ADAMTSL1: variants seen among roughly 807,000 people sequenced by gnomAD.
The protein encoded by ADAMTSL1 is ADAMTS like 1.
A neutral mutation model predicts 201.8 loss-of-function variants in ADAMTSL1; 126 were observed. The ratio of observed to expected loss-of-function variants is 0.62; its 90% CI spans 0.54 to 0.72. ADAMTSL1 has a LOEUF of 0.72. Among genes scored for constraint, ADAMTSL1 ranks in the 30% least tolerant of loss-of-function variants. The probability of loss-of-function intolerance (pLI) is 0.00; values close to 1 mark genes in which losing one functional copy is unlikely to be tolerated. For missense variants in ADAMTSL1, 2,679 were observed against 2,277.8 expected (o/e 1.18, Z -3.59); for synonymous variants, 1,121 against 903.4 (o/e 1.24, Z -4.32).
At position 18,453,666 on chromosome 9, in the gene ADAMTSL1, C is replaced by T. The variant is rs575126678; in HGVS notation, c.208-51163C>T. 2.3e-4 allele frequency among the ~76,000 whole-genome samples: 35 copies of T among 152,258 alleles called. No individual in the cohort carries two copies. In the South Asian group the frequency reaches 7.3e-3, roughly 32 times the overall value. On this transcript the variant is annotated intron_variant, in intron 2 of 29. Transcript: ENST00000680146. ...TTGGAAATCTCTCCTGCCAGATACCCTAGTTTATCACTCTTAAATTCCACC... is the reference window on the plus strand; with the variant it reads ...TTGGAAATCTCTCCTGCCAGATACCTTAGTTTATCACTCTTAAATTCCACC...
At chr9:18,589,030 C>A (rs1587652228) in intron 4 of ADAMTSL1, among the ~76,000 whole-genome samples, 1 of 151,464 alleles carries the variant, frequency 6.6e-6, no homozygotes. Context: ...GTGTCCACTA[C>A]CATGACTGGC....
At chr9:18,611,498 C>G (rs1283335454) in intron 4 of ADAMTSL1, among the ~76,000 whole-genome samples, 1 of 151,990 alleles carries the variant, frequency 6.6e-6, no homozygotes, top group Non-Finnish European at 1.5e-5. Context: ...AAACAATACA[C>G]AAAAAAATCC....
chr9:18,440,949 G>C (rs181716873), intron 2 of ADAMTSL1, among the ~76,000 whole-genome samples: 46 of 152,024 alleles, frequency 3.0e-4, no homozygotes, highest in African/African-American at 1.1e-3. Context: ...TTTATGACAG[G>C]CAAAAGAGAA....
intron 2 of ADAMTSL1, among the ~76,000 whole-genome samples, chr9:18,227,472 C>T (rs541849501): frequency 1.3e-5 from 2 of 152,286 alleles, no homozygotes; most frequent in East Asian, 3.9e-4. Context: ...CAAGGTAGTA[C>T]ATTTTATTCA....
intron 1 of ADAMTSL1, among the ~76,000 whole-genome samples, chr9:18,151,237 A>G (rs1030308119): frequency 6.6e-6 from 1 of 152,122 alleles, no homozygotes; most frequent in African/African-American, 2.4e-5. Flanking sequence ...AACAGCAAAC[A>G]AAAAACCTTT....
chr9:18,069,408 C>T lies in ADAMTSL1; in HGVS notation c.88-94454C>T, dbSNP rs960398320. ...ATATTACACTGCAACGTATTATATACATACATACATACATACACATATATG... is the reference window on the plus strand; with the variant it reads ...ATATTACACTGCAACGTATTATATATATACATACATACATACACATATATG... On this transcript the variant is annotated intron_variant, in intron 1 of 29. Coordinates refer to the ADAMTSL1 transcript ENST00000680146. Among the ~76,000 whole-genome samples, 7 of 152,088 alleles carry T rather than the reference C, an allele frequency of 4.6e-5. No homozygotes were observed. In the East Asian group the frequency reaches 7.7e-4, roughly 17 times the overall value.
intron 1 of ADAMTSL1, among the ~76,000 whole-genome samples, chr9:18,120,142 A>G (rs1023250262): frequency 6.6e-6 from 1 of 152,196 alleles, no homozygotes; most frequent in East Asian, 1.9e-4. Context: ...GGCTGCAGCC[A>G]TCTGAAAACT....
At position 18,320,002 on chromosome 9, in the gene ADAMTSL1, G is replaced by C. The variant is rs548946735; in HGVS notation, c.207+156021G>C. Among the ~76,000 whole-genome samples the C allele has an allele frequency of 4.6e-5, 7 of 152,238 alleles. 1 individual carries two copies. In the East Asian group the frequency reaches 9.7e-4, roughly 21 times the overall value. On this transcript the variant is annotated intron_variant, in intron 2 of 29. Coordinates refer to the ADAMTSL1 transcript ENST00000680146. ...TTTCTAGCTTTGAAGGTAGAGGATG[G>C]GGGAGTTGCAAACCAAGAAATGAAG...
intron 20 of ADAMTSL1, among the ~76,000 whole-genome samples, chr9:18,798,753 G>A (rs760368573): frequency 6.6e-6 from 1 of 152,186 alleles, no homozygotes; most frequent in Non-Finnish European, 1.5e-5. Flanking sequence ...CAAGATGCCT[G>A]CCATTGAGTT....
chr9:18,872,218 G>T (rs1437446037), intron 23 of ADAMTSL1, among the ~76,000 whole-genome samples: 1 of 152,216 alleles, frequency 6.6e-6, no homozygotes, highest in East Asian at 1.9e-4. Flanking sequence ...TTGGAGAACT[G>T]CAAAAGTTCT....
At chr9:18,647,733 T>C (rs1321693949) in intron 7 of ADAMTSL1, among the ~76,000 whole-genome samples, 2 of 151,808 alleles carry the variant, frequency 1.3e-5, no homozygotes, top group Non-Finnish European at 2.9e-5. Context: ...CTAGTTTGAT[T>C]GCACTGTGGT....
At chr9:18,891,074 G>C (rs1829235060) in intron 25 of ADAMTSL1, among the ~76,000 whole-genome samples, 1 of 152,208 alleles carries the variant, frequency 6.6e-6, no homozygotes, top group South Asian at 2.1e-4. Context: ...CAAAAGAGCA[G>C]GGAAGTGGCC....
At chr9:18,512,179 G>A (rs1309985945) in intron 2 of ADAMTSL1, among the ~76,000 whole-genome samples, 1 of 152,132 alleles carries the variant, frequency 6.6e-6, no homozygotes, top group Non-Finnish European at 1.5e-5. Flanking sequence ...TTGGGTTAAA[G>A]CCTAGTCTAA....
rs57642851 is a variant in ADAMTSL1 at position 18,317,393 on chromosome 9, AACAC to A, written c.207+153439_207+153442del. ...AAGAAAGTGTATCTTAAGTGTCCTCAACACACACACACACACACACACACACACA... is the reference window on the plus strand; with the variant it reads ...AAGAAAGTGTATCTTAAGTGTCCTCAACACACACACACACACACACACACA... On this transcript the variant is annotated intron_variant, in intron 2 of 29. Transcript: ENST00000680146. 3.4e-3 allele frequency among the ~76,000 whole-genome samples: 511 copies of A among 148,978 alleles called. 2 individuals are homozygous for A. The highest frequency in any genetic ancestry group is 0.02 in the South Asian group (94 of 4,642).
intron 1 of ADAMTSL1, among the ~76,000 whole-genome samples, chr9:18,049,444 C>G (rs1167315167): frequency 2.6e-5 from 4 of 152,058 alleles, no homozygotes; most frequent in Admixed American, 2.0e-4. Flanking sequence ...TAAAGAGCCT[C>G]TCTTCTTTCT....
At chr9:17,949,239 C>T (rs1419994043) in intron 1 of ADAMTSL1, among the ~76,000 whole-genome samples, 1 of 152,020 alleles carries the variant, frequency 6.6e-6, no homozygotes, top group Non-Finnish European at 1.5e-5. Flanking sequence ...ATCATGGAGC[C>T]CAGAGGCTCA....
intron 2 of ADAMTSL1, among the ~76,000 whole-genome samples, chr9:18,225,217 T>G (rs1220655638): frequency 6.6e-6 from 1 of 152,184 alleles, no homozygotes; most frequent in Non-Finnish European, 1.5e-5. Context: ...ACATGGTGAA[T>G]GTGGCCTGAA....
In ADAMTSL1 at chr9:18,575,920, C is replaced by T. The variant is rs555685424; in HGVS notation, c.474+1654C>T. On this transcript the variant is annotated intron_variant, in intron 4 of 28. Coordinates refer to ENST00000380548, the MANE Select transcript of ADAMTSL1 (RefSeq NM_001040272.6). Reference sequence around the variant, plus strand: ...CATTTATTTCTTTTGCATGGGAGTTCAACGTGGCATATTTTTTCCTAAACT... The same window carrying T: ...CATTTATTTCTTTTGCATGGGAGTTTAACGTGGCATATTTTTTCCTAAACT... Among the ~76,000 whole-genome samples the T allele has an allele frequency of 7.9e-5, 12 of 152,268 alleles. No homozygotes were observed. In the South Asian group the frequency reaches 2.5e-3, roughly 32 times the overall value.
At chr9:18,661,266 T>C (rs1313214307) in intron 8 of ADAMTSL1, among the ~76,000 whole-genome samples, 1 of 152,176 alleles carries the variant, frequency 6.6e-6, no homozygotes, top group East Asian at 1.9e-4. Flanking sequence ...TAGAGACTTT[T>C]TAAAGAGAAT....
Sources: gnomAD v4.1 joint callset for allele counts (sites outside exome capture counted in the v4.1 genomes callset) on GRCh38, gnomAD v4.1.1 for gene constraint, MANE v1.5 for transcripts, NCBI Gene and HGNC (gene_info 2026-07-23, HGNC 2026-07-21) for gene names.